The following UTRN variants were observed in gnomAD, a reference collection of about 807,000 sequenced individuals.
UTRN encodes dystrophin-related protein 1.
Under a neutral mutation model 463.9 loss-of-function variants are expected in UTRN, and 283 were observed. That is an observed-to-expected ratio of 0.61 (90% CI 0.55 to 0.67). The LOEUF is 0.67. UTRN is among the 30% of genes least tolerant of loss of function. The probability of loss-of-function intolerance (pLI) is 0.00; values close to 1 mark genes in which losing one functional copy is unlikely to be tolerated. For synonymous variants in UTRN, 1,442 were observed against 1,431.5 expected, an observed-to-expected ratio of 1.01 and a Z score of -0.17; for missense variants, 3,922 against 4,084.3, an observed-to-expected ratio of 0.96 and a Z score of 1.08.
At chr6:144,314,042 A>T (rs1775117578) in intron 2 of UTRN, among the ~76,000 whole-genome samples, 1 of 152,146 alleles carries the variant, frequency 6.6e-6, no homozygotes, top group Non-Finnish European at 1.5e-5. Context: ...AAAGGTAGGG[A>T]GGGGCTCAGA....
chr6:144,639,199 A>G (rs1777516095), intron 51 of UTRN, among the ~76,000 whole-genome samples: 1 of 152,090 alleles, frequency 6.6e-6, no homozygotes, highest in Non-Finnish European at 1.5e-5. Context: ...ATTTTACATA[A>G]TTTTATCTTC....
chr6:144,317,480 T>G (rs1375433445), intron 2 of UTRN, among the ~76,000 whole-genome samples: 1 of 152,148 alleles, frequency 6.6e-6, no homozygotes, highest in Non-Finnish European at 1.5e-5. Flanking sequence ...CACTGCAACC[T>G]CTGCCTCTCG....
intron 53 of UTRN, among the ~76,000 whole-genome samples, chr6:144,715,783 T>C (rs1000790121): frequency 6.6e-6 from 1 of 151,390 alleles, no homozygotes; most frequent in Non-Finnish European, 1.5e-5. Context: ...TTTTTTTTTT[T>C]TTGCTTGGTA....
chr6:144,694,006 A>G (rs527359280), intron 52 of UTRN, among the ~76,000 whole-genome samples: 1 of 152,096 alleles, frequency 6.6e-6, no homozygotes, highest in East Asian at 1.9e-4. Flanking sequence ...TTGCCCATTC[A>G]GTATGTTGTT....
chr6:144,574,347 G>C (rs1292797997), intron 50 of UTRN, among the ~76,000 whole-genome samples: 2 of 152,102 alleles, frequency 1.3e-5, no homozygotes, highest in Non-Finnish European at 2.9e-5. Context: ...TTAGTGTCTG[G>C]TTTCTTTGAC....
chr6:144,440,218 C>G, intron 12 of UTRN, 134 bp from the exon 13 acceptor site: 5 of 853,532 alleles, frequency 5.9e-6, no homozygotes, highest in Non-Finnish European at 9.2e-6. Flanking sequence ...ATTAGTAGAA[C>G]AGTTAGGGTA....
At chr6:144,604,726 C>T (rs1200655508) in intron 51 of UTRN, among the ~76,000 whole-genome samples, 2 of 151,952 alleles carry the variant, frequency 1.3e-5, no homozygotes, top group African/African-American at 2.4e-5. Context: ...CCAGCCTGGC[C>T]AACATGGTGA....
intron 48 of UTRN, among the ~76,000 whole-genome samples, 187 bp from the exon 49 acceptor site, chr6:144,554,501 A>G (rs914356773): frequency 2.0e-5 from 3 of 152,110 alleles, no homozygotes; most frequent in South Asian, 4.1e-4. Flanking sequence ...TTTCTCAAAC[A>G]CCGTTTCAGA....
intron 53 of UTRN, among the ~76,000 whole-genome samples, chr6:144,713,328 G>A (rs530364066): frequency 5.7e-4 from 87 of 152,220 alleles, no homozygotes; most frequent in African/African-American, 2.0e-3. Flanking sequence ...ACAGGGGGCC[G>A]GGTGCAGTGG....
rs1191234094 is a variant in UTRN at position 144,758,992 on chromosome 6, A to G, written c.8495+1003A>G. ...AATGCTAATAATCTGCTCTTCCAGT[A>G]TACTTCCTGAAAACGTTGTGTGAAG... On this transcript the variant is annotated intron_variant, in intron 58 of 74. Coordinates refer to ENST00000367545, the MANE Select transcript of UTRN (RefSeq NM_007124.3). Among the ~76,000 whole-genome samples, 3 of 152,134 alleles carry G rather than the reference A, an allele frequency of 2.0e-5. No homozygotes were observed. The East Asian group carries it at 5.8e-4, about 29-fold the overall frequency.
In UTRN at chr6:144,488,709, C is replaced by T. The variant is rs1792729161; in HGVS notation, c.4009C>T (p.Gln1337Ter). Reference sequence around the variant, plus strand: ...GCAGATTTCTTTGGAAAAGCAACTCCAGGTGCTGCGGGAAACTGACCAGAT... The same window carrying T: ...GCAGATTTCTTTGGAAAAGCAACTCTAGGTGCTGCGGGAAACTGACCAGAT... ...SKQISLEKQLQVLRETDQMLQ... is the reference protein window; with the variant it reads ...SKQISLEKQL Residue 1337 changes from glutamine (Q) to a stop codon, truncating the protein, a stop_gained, in exon 30 of 75, where the codon CAG (glutamine) becomes TAG (stop). Coordinates refer to ENST00000367545, the MANE Select transcript of UTRN (RefSeq NM_007124.3). LOFTEE classifies it high-confidence loss of function. 1 of 1,613,020 alleles carries T rather than the reference C, an allele frequency of 6.2e-7. No individual in the cohort carries two copies. The highest frequency in any genetic ancestry group is 8.5e-7 in the Non-Finnish European group (1 of 1,179,398).
intron 3 of UTRN, among the ~76,000 whole-genome samples, chr6:144,414,249 C>T (rs1562363599): frequency 6.6e-6 from 1 of 152,148 alleles, no homozygotes; most frequent in Non-Finnish European, 1.5e-5. Flanking sequence ...CCCTGAAGAC[C>T]TTCCAGTGGG....
rs920883723 is a variant in UTRN at position 144,732,525 on chromosome 6, C to T, written c.7939+2039C>T. 4.8e-4 allele frequency among the ~76,000 whole-genome samples: 73 copies of T among 152,008 alleles called. 1 individual carries two copies. Among genetic ancestry groups the T allele is most frequent in the Admixed American group, 9.8e-4 (15 of 15,274 alleles). On this transcript the variant is annotated intron_variant, in intron 54 of 74. Coordinates refer to ENST00000367545, the MANE Select transcript of UTRN (RefSeq NM_007124.3). ...CTCTCTCTTCCACTTTAGTCTACTACTGATAAGTAAATCTTATCATGTAAT... is the reference window on the plus strand; with the variant it reads ...CTCTCTCTTCCACTTTAGTCTACTATTGATAAGTAAATCTTATCATGTAAT...
intron 54 of UTRN, among the ~76,000 whole-genome samples, chr6:144,744,502 C>T (rs185573710): frequency 3.4e-4 from 50 of 147,566 alleles, no homozygotes; most frequent in South Asian, 3.0e-3. Flanking sequence ...ATATTTTCTT[C>T]TGAGTAGTTG....
intron 39 of UTRN, among the ~76,000 whole-genome samples, chr6:144,519,809 A>T (rs1313720412): frequency 6.6e-6 from 1 of 152,204 alleles, no homozygotes; most frequent in Non-Finnish European, 1.5e-5. Flanking sequence ...GATACCTACT[A>T]ACCTCCCTAG....
At chr6:144,548,921 A>C (rs1343893477) in intron 47 of UTRN, 67 bp downstream of exon 47, 2 of 1,500,930 alleles carry the variant, frequency 1.3e-6, no homozygotes, top group African/African-American at 2.8e-5. Context: ...GATCTGTTTG[A>C]ATCCCTTTTG....
At chr6:144,365,478 T>C (rs1779429648) in intron 2 of UTRN, among the ~76,000 whole-genome samples, 2 of 152,234 alleles carry the variant, frequency 1.3e-5, no homozygotes, top group South Asian at 4.1e-4. Context: ...TTCTCCACTT[T>C]TCACATTTTA....
rs1782549909 is a variant in UTRN at position 144,852,681 on chromosome 6, A to T, written c.*1684A>T. The T allele has an allele frequency of 1.3e-5, 2 of 152,624 alleles. No homozygotes were observed. The allele number at this position is 152,624 out of a possible 1,614,324, so 9.5% of individuals were successfully genotyped here. A position where few individuals can be genotyped will look rare whatever the true frequency, so the allele number is the denominator to read the frequency against. The stretch of plus-strand genomic sequence containing the variant: ...CAAAGTCTAGAGCTTTTATCAGGCC[A>T]TGTCATACCCAAGAAAGCACCTATT... On this transcript the variant is annotated 3_prime_UTR_variant, in exon 75 of 75. Coordinates refer to ENST00000367545, the MANE Select transcript of UTRN (RefSeq NM_007124.3).
intron 3 of UTRN, among the ~76,000 whole-genome samples, chr6:144,413,368 A>G (rs148119439): frequency 3.4e-4 from 52 of 152,318 alleles, no homozygotes; most frequent in Non-Finnish European, 5.9e-4. Context: ...TATAAAGGAA[A>G]GAGGTTTAAT....
Sources: allele counts gnomAD v4.1 joint callset (sites outside exome capture counted in the v4.1 genomes callset), GRCh38; gene constraint gnomAD v4.1.1; transcripts MANE v1.5; gene names NCBI Gene and HGNC (gene_info 2026-07-23, HGNC 2026-07-21).